Variants in VEPH1 observed in about 807,000 individuals in gnomAD.
VEPH1 encodes the protein ventricular zone-expressed PH domain-containing protein homolog 1.
Under a neutral mutation model 85.2 loss-of-function variants are expected in VEPH1, and 80 were observed. That is an observed-to-expected ratio of 0.94 (90% confidence interval 0.78 to 1.13). The LOEUF (loss-of-function observed/expected upper bound fraction) is 1.13, where lower values mean the gene tolerates loss of function less well. Among genes scored for constraint, VEPH1 ranks in the 50% most tolerant of loss-of-function variants. The pLI, the probability that VEPH1 is intolerant of heterozygous loss-of-function variation, is 0.00. For missense variants in VEPH1, 955 were observed against 980.5 expected, an observed-to-expected ratio of 0.97 and a Z score of 0.35; for synonymous variants, 297 against 348.0, an observed-to-expected ratio of 0.85 and a Z score of 1.63.
chr3:157,314,330 CAAAAAAAAAAAAAAAAA>C (rs34703314), intron 10 of VEPH1, among the ~76,000 whole-genome samples: 14,713 of 44,456 alleles, frequency 0.33, 1,766 homozygotes, highest in Middle Eastern at 0.45. Context: ...GAGGATCCGT[CAAAAAAAAAAAAAAAAA>C]AAAAAAAAAA....
chr3:157,342,470 G>A (rs960371384), intron 9 of VEPH1, among the ~76,000 whole-genome samples: 2 of 152,208 alleles, frequency 1.3e-5, no homozygotes, highest in African/African-American at 4.8e-5. Flanking sequence ...TCAACAAGAA[G>A]AGCTAACTAT....
intron 1 of VEPH1, among the ~76,000 whole-genome samples, chr3:157,497,252 C>G (rs1739737045): frequency 6.6e-6 from 1 of 152,026 alleles, no homozygotes; most frequent in Admixed American, 6.6e-5. Flanking sequence ...AATTCCTCTC[C>G]CCTTCTACAC....
chr3:157,374,291 C>T (rs963219380), intron 7 of VEPH1, among the ~76,000 whole-genome samples: 2 of 151,974 alleles, frequency 1.3e-5, no homozygotes, highest in Non-Finnish European at 2.9e-5. Context: ...TACTCGTTTC[C>T]TATCAAAACT....
intron 12 of VEPH1, among the ~76,000 whole-genome samples, chr3:157,275,418 T>G (rs67643214): frequency 0.23 from 35,414 of 151,710 alleles, 4,268 homozygotes; most frequent in Non-Finnish European, 0.27. Context: ...TCTGCTAAAA[T>G]ACAAAAAATT....
In VEPH1 at chr3:157,314,189, C is replaced by T. The variant is rs368217197; in HGVS notation, c.1876-434G>A. On this transcript the variant is annotated intron_variant, in intron 10 of 13. Coordinates refer to ENST00000362010, the MANE Select transcript of VEPH1 (RefSeq NM_001167912.2). ...CTACTAAAAATAAAAAAAAATTAGC[C>T]GGGCGTGGTGGCGGGAGCCTGTAGT... 7.0e-4 allele frequency among the ~76,000 whole-genome samples: 106 copies of T among 151,332 alleles called. 1 individual carries two copies. Among genetic ancestry groups the T allele is most frequent in the African/African-American group, 1.6e-3 (66 of 41,300 alleles).
intron 9 of VEPH1, among the ~76,000 whole-genome samples, chr3:157,330,869 G>A (rs967832762): frequency 7.2e-5 from 11 of 152,294 alleles, no homozygotes; most frequent in African/African-American, 2.2e-4. Context: ...GTCTGGGTTG[G>A]GAATAAACAA....
chr3:157,325,259 A>G (rs1342413190), intron 9 of VEPH1, among the ~76,000 whole-genome samples: 1 of 151,968 alleles, frequency 6.6e-6, no homozygotes, highest in Non-Finnish European at 1.5e-5. Context: ...AGATGGATAG[A>G]TTGCAAAAAT....
Position 157,373,864 on chromosome 3 carries a change from T to C in VEPH1, c.1127+7292A>G, listed in dbSNP as rs188282771. On this transcript the variant is annotated intron_variant, in intron 7 of 13. Coordinates refer to ENST00000362010, the MANE Select transcript of VEPH1 (RefSeq NM_001167912.2). ...CTGATATTACATTGCCCGCACTCCA[T>C]ACTGGGGCTGCCCGAGTCTCTACCC... Among the ~76,000 whole-genome samples, 535 of 152,244 alleles carry C rather than the reference T, an allele frequency of 3.5e-3. 2 individuals carry two copies. Among genetic ancestry groups the C allele is most frequent in the African/African-American group, 0.012 (504 of 41,540 alleles).
At chr3:157,372,439 G>C (rs1727612666) in intron 7 of VEPH1, among the ~76,000 whole-genome samples, 1 of 152,170 alleles carries the variant, frequency 6.6e-6, no homozygotes, top group African/African-American at 2.4e-5. Flanking sequence ...GCCAACTAAT[G>C]AAAAGCCTAT....
intron 12 of VEPH1, among the ~76,000 whole-genome samples, chr3:157,275,811 G>A (rs1400646321): frequency 6.6e-6 from 1 of 151,930 alleles, no homozygotes; most frequent in Non-Finnish European, 1.5e-5. Flanking sequence ...TGTATTTAAA[G>A]TTTCAAATTT....
intron 4 of VEPH1, chr3:157,459,678 A>T (rs568686183): frequency 1.4e-6 from 2 of 1,380,466 alleles, no homozygotes; most frequent in Admixed American, 6.4e-5. Flanking sequence ...CAATTAACAG[A>T]GGTGTACTAT....
chr3:157,344,133 T>C (rs941759444), intron 9 of VEPH1, among the ~76,000 whole-genome samples: 3 of 152,172 alleles, frequency 2.0e-5, no homozygotes, highest in Non-Finnish European at 4.4e-5. Context: ...AGGGATGCTC[T>C]CTCTCACCAC....
Position 157,470,283 on chromosome 3 carries a change from T to C in VEPH1, c.354+31A>G, listed in dbSNP as rs542680169. The C allele has an allele frequency of 3.1e-6, 5 of 1,606,624 alleles. No homozygotes were observed. In the African/African-American group the frequency reaches 5.3e-5, roughly 17 times the overall value. ...GTTCACCTAGGCTGCCAACTCAGTA[T>C]CAAATAGCCTGATGTTGAACACTGA... On this transcript the variant is annotated intron_variant, in intron 3 of 13. Transcript: ENST00000362010.
Position 157,418,141 on chromosome 3 carries a change from T to A in VEPH1, c.697-4051A>T, listed in dbSNP as rs1464707075. On this transcript the variant is annotated intron_variant, in intron 5 of 13. Coordinates refer to ENST00000362010, the MANE Select transcript of VEPH1 (RefSeq NM_001167912.2). ...TACCTGGGAAAGGAATTCCAAGATC[T>A]CAGTTACCTGAACTGAGTTTAGTGG... Among the ~76,000 whole-genome samples, 3 of 152,122 alleles carry A rather than the reference T, an allele frequency of 2.0e-5. No individual in the cohort carries two copies. In the East Asian group the frequency reaches 5.8e-4, roughly 29 times the overall value.
At chr3:157,451,968 G>C (rs1735004422) in intron 4 of VEPH1, among the ~76,000 whole-genome samples, 1 of 152,144 alleles carries the variant, frequency 6.6e-6, no homozygotes, top group African/African-American at 2.4e-5. Flanking sequence ...CAAAAAGCCT[G>C]CTAAACACAG....
intron 6 of VEPH1, among the ~76,000 whole-genome samples, chr3:157,384,919 C>T (rs1432933349): frequency 6.6e-6 from 1 of 152,136 alleles, no homozygotes; most frequent in East Asian, 1.9e-4. Context: ...AGGGTCAGCA[C>T]CTGTAAGCCT....
intron 6 of VEPH1, among the ~76,000 whole-genome samples, chr3:157,385,949 G>A (rs374700516): frequency 7.2e-5 from 11 of 152,054 alleles, no homozygotes; most frequent in African/African-American, 2.7e-4. Flanking sequence ...AAAGTTTGAT[G>A]CATTTCATTA....
intron 5 of VEPH1, among the ~76,000 whole-genome samples, chr3:157,424,910 A>C (rs1355609158): frequency 1.3e-5 from 2 of 152,248 alleles, no homozygotes; most frequent in East Asian, 3.8e-4. Flanking sequence ...AATTTACATA[A>C]GTAACAAGGA....
chr3:157,394,724 A>G (rs557682101), intron 6 of VEPH1, among the ~76,000 whole-genome samples: 3 of 152,256 alleles, frequency 2.0e-5, no homozygotes, highest in African/African-American at 7.2e-5. Flanking sequence ...AGAACTTACT[A>G]TCTTGAGAGC....
Sources: allele counts gnomAD v4.1 joint callset (sites outside exome capture counted in the v4.1 genomes callset), GRCh38; gene constraint gnomAD v4.1.1; transcripts MANE v1.5; gene names NCBI Gene and HGNC (gene_info 2026-07-23, HGNC 2026-07-21).